The following CDYL variants were observed in gnomAD, a reference collection of about 807,000 sequenced individuals.
CDYL encodes the protein chromodomain Y-like protein.
Under a neutral mutation model 47.3 loss-of-function variants are expected in CDYL, and 8 were observed. That is an observed-to-expected ratio of 0.17 (90% CI 0.10 to 0.31). The LOEUF (loss-of-function observed/expected upper bound fraction) is 0.31. CDYL is among the 10% of genes least tolerant of loss of function. The probability of loss-of-function intolerance (pLI) is 1.00; values close to 1 mark genes in which losing one functional copy is unlikely to be tolerated. For synonymous variants in CDYL, 266 were observed against 265.0 expected (o/e 1.00, Z -0.04); for missense variants, 471 against 701.4 (o/e 0.67, Z 3.71).
At chr6:4,908,917 G>C (rs569137542) in intron 2 of CDYL, among the ~76,000 whole-genome samples, 3 of 152,170 alleles carry the variant, frequency 2.0e-5, no homozygotes, top group Non-Finnish European at 4.4e-5. Flanking sequence ...TCCGTTCTTC[G>C]CTGCGTTCTG....
At chr6:4,840,708 G>A (rs946507981) in intron 1 of CDYL, among the ~76,000 whole-genome samples, 9 of 152,056 alleles carry the variant, frequency 5.9e-5, no homozygotes, top group South Asian at 2.1e-4. Flanking sequence ...ATTGACTTGC[G>A]TATTTTAAAC....
chr6:4,758,448 G>A (rs1758113286), intron 3 of CDYL, among the ~76,000 whole-genome samples: 1 of 151,188 alleles, frequency 6.6e-6, no homozygotes, highest in African/African-American at 2.4e-5. Context: ...ATCACTTGAG[G>A]TCAGGAATTC....
chr6:4,854,962 C>T (rs1048638624), intron 1 of CDYL, among the ~76,000 whole-genome samples: 9 of 152,282 alleles, frequency 5.9e-5, no homozygotes, highest in South Asian at 2.1e-4. Context: ...GAGTTCAACC[C>T]GATCCGGTTA....
intron 1 of CDYL, among the ~76,000 whole-genome samples, chr6:4,842,004 A>G (rs944005412): frequency 9.6e-5 from 14 of 145,114 alleles, no homozygotes; most frequent in African/African-American, 3.5e-4. Flanking sequence ...ATATAAATAA[A>G]TTAATTATAT....
chr6:4,872,836 CTCTA>C (rs1761513380), intron 1 of CDYL, among the ~76,000 whole-genome samples: 1 of 152,324 alleles, frequency 6.6e-6, no homozygotes, highest in East Asian at 1.9e-4. Context: ...TCATCTTGGT[CTCTA>C]TCCATTTCAT....
At chr6:4,908,513 T>C (rs1212077643) in intron 2 of CDYL, among the ~76,000 whole-genome samples, 1 of 152,250 alleles carries the variant, frequency 6.6e-6, no homozygotes, top group Non-Finnish European at 1.5e-5. Context: ...AGCTAGCTAC[T>C]TATTGAAAAT....
chr6:4,771,153 A>C (rs1050991815), intron 3 of CDYL, among the ~76,000 whole-genome samples: 5 of 151,860 alleles, frequency 3.3e-5, no homozygotes, highest in African/African-American at 1.2e-4. Flanking sequence ...TTGCTCTGCC[A>C]TCCAGGCTGG....
chr6:4,758,351 A>ATATATATATATATAT (rs1758108099), intron 3 of CDYL, among the ~76,000 whole-genome samples: 145 of 129,036 alleles, frequency 1.1e-3, no homozygotes, highest in African/African-American at 3.2e-3. Flanking sequence ...AAAATAAATA[A>ATATATATATATATAT]ATATATATAT....
At chr6:4,787,732 G>A (rs1758793387) in intron 1 of CDYL, among the ~76,000 whole-genome samples, 1 of 151,552 alleles carries the variant, frequency 6.6e-6, no homozygotes, top group African/African-American at 2.4e-5. Flanking sequence ...ACATGCAGGT[G>A]GAGGTGCGGA....
At chr6:4,930,370 A>G (rs1581272972) in intron 2 of CDYL, among the ~76,000 whole-genome samples, 2 of 152,326 alleles carry the variant, frequency 1.3e-5, no homozygotes, top group South Asian at 2.1e-4. Context: ...CACAAATTAC[A>G]GCCTCCTGGG....
chr6:4,907,114 A>G (rs1458346953), intron 2 of CDYL, among the ~76,000 whole-genome samples: 1 of 152,218 alleles, frequency 6.6e-6, no homozygotes, highest in Non-Finnish European at 1.5e-5. Context: ...GTTGCACATT[A>G]CTGTGTAACA....
At chr6:4,718,864 T>A (rs1159253986) in intron 2 of CDYL, among the ~76,000 whole-genome samples, 1 of 152,196 alleles carries the variant, frequency 6.6e-6, no homozygotes, top group Non-Finnish European at 1.5e-5. Context: ...TCCAGTTTAT[T>A]GATAGGCATT....
intron 1 of CDYL, among the ~76,000 whole-genome samples, chr6:4,807,848 C>G (rs867791849): frequency 1.3e-5 from 2 of 151,990 alleles, no homozygotes; most frequent in East Asian, 3.9e-4. Flanking sequence ...GTCAAGCGAT[C>G]CACTTGCCTC....
intron 3 of CDYL, among the ~76,000 whole-genome samples, chr6:4,745,324 A>T (rs1757869944): frequency 6.6e-6 from 1 of 152,332 alleles, no homozygotes; most frequent in South Asian, 2.1e-4. Context: ...ATGAACAAAA[A>T]GGGGGAAAGA....
intron 1 of CDYL, among the ~76,000 whole-genome samples, chr6:4,842,116 A>G (rs1760515066): frequency 7.0e-6 from 1 of 143,630 alleles, no homozygotes; most frequent in African/African-American, 2.5e-5. Flanking sequence ...TATTATTTAT[A>G]TATAAACTTG....
At chr6:4,900,784 T>C (rs113767298) in intron 2 of CDYL, among the ~76,000 whole-genome samples, 3 of 30,522 alleles carry the variant, frequency 9.8e-5, no homozygotes, top group African/African-American at 4.7e-4. Context: ...CGTGTGTATA[T>C]ATATATATAT....
intron 3 of CDYL, among the ~76,000 whole-genome samples, chr6:4,756,120 C>T (rs1156746054): frequency 6.6e-6 from 1 of 152,174 alleles, no homozygotes; most frequent in Non-Finnish European, 1.5e-5. Context: ...TCTGCCCTCT[C>T]TTTCTGCTTT....
At chr6:4,793,901 A>G (rs981530439) in intron 1 of CDYL, among the ~76,000 whole-genome samples, 10 of 152,112 alleles carry the variant, frequency 6.6e-5, no homozygotes, top group African/African-American at 2.2e-4. Context: ...GTTCATGTGT[A>G]GGGTGCAGCT....
At chr6:4,803,893 C>A (rs1263390320) in intron 1 of CDYL, among the ~76,000 whole-genome samples, 1 of 151,216 alleles carries the variant, frequency 6.6e-6, no homozygotes, top group Non-Finnish European at 1.5e-5. Context: ...TTTGGGGGTA[C>A]CTTTGTCCTT....
Sources: allele counts gnomAD v4.1 joint callset (sites outside exome capture counted in the v4.1 genomes callset), GRCh38; gene constraint gnomAD v4.1.1; transcripts MANE v1.5; gene names NCBI Gene and HGNC (gene_info 2026-07-23, HGNC 2026-07-21).